Variants in THSD4 observed in about 807,000 individuals in gnomAD.
The protein encoded by THSD4 is thrombospondin type 1 domain containing 4.
In THSD4, 69 loss-of-function variants were observed where a neutral mutation model predicts 119.0. The observed-to-expected ratio is 0.58, with a 90% CI of 0.48 to 0.71. THSD4 has a LOEUF of 0.71. Ranked by LOEUF, THSD4 falls within the 30% of genes least tolerant of loss-of-function variation. The pLI, the probability that THSD4 is intolerant of heterozygous loss-of-function variation, is 0.00. For synonymous variants in THSD4, 524 were observed against 540.4 expected (o/e 0.97, Z 0.42); for missense variants, 1,393 against 1,391.1 (o/e 1.00, Z -0.02).
chr15:71,298,745 T>C (rs2044902204), intron 6 of THSD4, among the ~76,000 whole-genome samples: 1 of 151,914 alleles, frequency 6.6e-6, no homozygotes, highest in Admixed American at 6.6e-5. Flanking sequence ...CCTGAGTAGC[T>C]GGGACTACAG....
intron 6 of THSD4, among the ~76,000 whole-genome samples, chr15:71,312,284 T>A (rs911166942): frequency 1.3e-5 from 2 of 151,998 alleles, no homozygotes; most frequent in Admixed American, 6.6e-5. Flanking sequence ...GCTGAGATCG[T>A]ACCACTGCAC....
At chr15:71,352,638 C>T (rs2045759032) in intron 6 of THSD4, among the ~76,000 whole-genome samples, 1 of 152,100 alleles carries the variant, frequency 6.6e-6, no homozygotes, top group African/African-American at 2.4e-5. Flanking sequence ...CCTATGTGGT[C>T]AGTTAGGGAT....
At chr15:71,180,222 G>A (rs573270932) in intron 3 of THSD4, among the ~76,000 whole-genome samples, 3 of 150,710 alleles carry the variant, frequency 2.0e-5, no homozygotes, top group African/African-American at 4.9e-5. Flanking sequence ...CCCACAGAAC[G>A]GGAGAAAGTA....
chr15:71,369,077 C>A (rs904268154), intron 6 of THSD4, among the ~76,000 whole-genome samples: 12 of 152,258 alleles, frequency 7.9e-5, no homozygotes, highest in African/African-American at 2.6e-4. Flanking sequence ...CATGATTTGG[C>A]TCTCTGTCTG....
intron 6 of THSD4, 72 bp from the exon 7 acceptor site, chr15:71,411,615 G>A: frequency 6.8e-7 from 1 of 1,469,554 alleles, no homozygotes; most frequent in South Asian, 1.3e-5. Flanking sequence ...AAGAAAAAAG[G>A]TGCTGATTCC....
At chr15:71,462,402 C>G (rs527923760) in intron 7 of THSD4, among the ~76,000 whole-genome samples, 40 of 152,292 alleles carry the variant, frequency 2.6e-4, no homozygotes, top group African/African-American at 9.4e-4. Flanking sequence ...AGTGATCCTC[C>G]TGCACCACCC....
chr15:71,453,328 C>G (rs2047292628), intron 7 of THSD4, among the ~76,000 whole-genome samples: 1 of 152,176 alleles, frequency 6.6e-6, no homozygotes, highest in South Asian at 2.1e-4. Flanking sequence ...ACTCTTTGAT[C>G]TGAAGTACCC....
chr15:71,353,031 C>T (rs1433166575), intron 6 of THSD4, among the ~76,000 whole-genome samples: 1 of 152,154 alleles, frequency 6.6e-6, no homozygotes, highest in African/African-American at 2.4e-5. Context: ...TTTCCAAGGA[C>T]CTTGCAGGCG....
At chr15:71,371,391 TG>T (rs1310887591) in intron 6 of THSD4, among the ~76,000 whole-genome samples, 2 of 152,248 alleles carry the variant, frequency 1.3e-5, no homozygotes, top group African/African-American at 4.8e-5. Flanking sequence ...CTTTACATTT[TG>T]GCATGTTTTT....
intron 7 of THSD4, among the ~76,000 whole-genome samples, chr15:71,494,714 C>T (rs1453405178): frequency 6.6e-6 from 1 of 152,152 alleles, no homozygotes; most frequent in East Asian, 1.9e-4. Context: ...CAGAAGCCTC[C>T]ATACATTGGG....
At chr15:71,597,794 C>T (rs1291787112) in intron 7 of THSD4, among the ~76,000 whole-genome samples, 1 of 152,138 alleles carries the variant, frequency 6.6e-6, no homozygotes, top group Non-Finnish European at 1.5e-5. Flanking sequence ...GATCCCTTCT[C>T]GTCCCCAGGC....
At chr15:71,687,605 A>C (rs2051941169) in intron 8 of THSD4, among the ~76,000 whole-genome samples, 1 of 152,090 alleles carries the variant, frequency 6.6e-6, no homozygotes, top group Non-Finnish European at 1.5e-5. Context: ...AAATACAAAA[A>C]TTAGCCAGGA....
At chr15:71,111,601 G>T, upstream of THSD4, 1 of 607,098 alleles carries the variant, frequency 1.6e-6, no homozygotes, top group Non-Finnish European at 2.9e-6. Context: ...GGCTTGCCTT[G>T]ACTTTACAGT....
At chr15:71,433,346 C>A (rs1460709143) in intron 7 of THSD4, among the ~76,000 whole-genome samples, 2 of 151,070 alleles carry the variant, frequency 1.3e-5, no homozygotes, top group Non-Finnish European at 2.9e-5. Context: ...ACACATTTGT[C>A]TATAAATGTT....
At chr15:71,213,768 C>G (rs1171527852) in intron 3 of THSD4, among the ~76,000 whole-genome samples, 2 of 152,204 alleles carry the variant, frequency 1.3e-5, no homozygotes, top group African/African-American at 4.8e-5. Context: ...TCTTCCAAGT[C>G]ACCATGGCAG....
intron 7 of THSD4, among the ~76,000 whole-genome samples, chr15:71,513,777 C>T (rs752844136): frequency 5.3e-5 from 8 of 152,128 alleles, no homozygotes; most frequent in Non-Finnish European, 8.8e-5. Context: ...CTGGAAACAA[C>T]GCAAACATCT....
intron 7 of THSD4, among the ~76,000 whole-genome samples, chr15:71,526,886 C>T (rs1330906209): frequency 6.6e-6 from 1 of 152,118 alleles, no homozygotes; most frequent in Non-Finnish European, 1.5e-5. Flanking sequence ...CAGAATGAGG[C>T]ACAATTTATG....
intron 9 of THSD4, chr15:71,730,087 A>C (rs375944007): frequency 6.6e-6 from 1 of 152,238 alleles, no homozygotes; most frequent in Non-Finnish European, 1.5e-5. Context: ...GAATAGACAC[A>C]GGACCCACCA....
chr15:71,185,021 C>T lies in THSD4; in HGVS notation c.100-30014C>T, dbSNP rs149802434. Among the ~76,000 whole-genome samples the T allele has an allele frequency of 2.5e-4, 38 of 151,812 alleles. 1 individual carries two copies. The highest frequency in any genetic ancestry group is 4.3e-4 in the Non-Finnish European group (29 of 67,882). On this transcript the variant is annotated intron_variant, in intron 3 of 17. Transcript: ENST00000261862. ...CTAACTGATAAGTCTCCTTTTGAGGCGTAAACCGACCTTTTAAATTGCATC... is the reference window on the plus strand; with the variant it reads ...CTAACTGATAAGTCTCCTTTTGAGGTGTAAACCGACCTTTTAAATTGCATC...
Sources: allele counts gnomAD v4.1 joint callset (sites outside exome capture counted in the v4.1 genomes callset), GRCh38; gene constraint gnomAD v4.1.1; transcripts MANE v1.5; gene names NCBI Gene and HGNC (gene_info 2026-07-23, HGNC 2026-07-21).